AGBL1: variants seen among roughly 807,000 people sequenced by gnomAD.
The protein encoded by AGBL1 is AGBL carboxypeptidase 1, also known as cytosolic carboxypeptidase 4.
In AGBL1, 130 loss-of-function variants were observed where a neutral mutation model predicts 118.9. That is an observed-to-expected ratio of 1.09 (90% CI 0.95 to 1.26). The LOEUF (loss-of-function observed/expected upper bound fraction) is 1.26, where lower values mean the gene tolerates loss of function less well. Among genes scored for constraint, AGBL1 ranks in the 50% most tolerant of loss-of-function variants. AGBL1 has a pLI of 0.00. For synonymous variants in AGBL1, 555 were observed against 478.9 expected (o/e 1.16, Z -2.08); for missense variants, 1,584 against 1,298.1 (o/e 1.22, Z -3.38).
At chr15:86,500,716 A>T (rs976180606) in intron 18 of AGBL1, among the ~76,000 whole-genome samples, 1 of 151,590 alleles carries the variant, frequency 6.6e-6, no homozygotes, top group African/African-American at 2.4e-5. Context: ...GGATTTTTCT[A>T]TTCTGGGTGT....
rs936002750 is a variant in AGBL1 at position 86,930,235 on chromosome 15, G to T, written c.3222-57752G>T. ...TTAACTGCTGATAGGGTGACTTCAG[G>T]CAAGTCACCAACTCTGAAAAACCCT... is the stretch of plus-strand genomic sequence containing the variant. On this transcript the variant is annotated intron_variant, in intron 23 of 24. Coordinates refer to the AGBL1 transcript ENST00000441037. Among the ~76,000 whole-genome samples, 5 of 152,022 alleles carry T rather than the reference G, an allele frequency of 3.3e-5. No individual in the cohort carries two copies. In the East Asian group the frequency reaches 7.7e-4, roughly 23 times the overall value.
intron 21 of AGBL1, among the ~76,000 whole-genome samples, chr15:86,568,638 G>GTCTATACCACCC (rs745923547): frequency 2.0e-4 from 31 of 152,324 alleles, no homozygotes; most frequent in Non-Finnish European, 3.8e-4. Context: ...ACAAGTGGTG[G>GTCTATACCACCC]TATAGACCCT....
At chr15:86,635,955 G>A (rs1037382582) in intron 21 of AGBL1, among the ~76,000 whole-genome samples, 5 of 152,132 alleles carry the variant, frequency 3.3e-5, no homozygotes, top group African/African-American at 1.2e-4. Context: ...GTTATTAGAA[G>A]CTCTAATGGT....
downstream of AGBL1, among the ~76,000 whole-genome samples, chr15:87,030,023 T>A (rs529890232): frequency 3.5e-4 from 53 of 151,842 alleles, no homozygotes; most frequent in Admixed American, 2.8e-3. Context: ...GAAAAAAAAA[T>A]CTATATTTTT....
intron 17 of AGBL1, among the ~76,000 whole-genome samples, chr15:86,348,650 C>T (rs1401727481): frequency 6.6e-6 from 1 of 152,004 alleles, no homozygotes; most frequent in African/African-American, 2.4e-5. Context: ...TGATGGTGCA[C>T]ACCAGTAATC....
At chr15:86,930,946 C>T (rs2080596670) in intron 23 of AGBL1, among the ~76,000 whole-genome samples, 2 of 152,126 alleles carry the variant, frequency 1.3e-5, no homozygotes, top group Admixed American at 1.3e-4. Flanking sequence ...TACCATAAAT[C>T]CCTTAGTTGT....
intron 17 of AGBL1, among the ~76,000 whole-genome samples, chr15:86,379,971 T>G (rs1379163253): frequency 6.6e-6 from 1 of 152,218 alleles, no homozygotes; most frequent in Non-Finnish European, 1.5e-5. Flanking sequence ...GATGACTTGA[T>G]TTGTAAAATA....
chr15:86,248,046 G>A (rs534295590), intron 7 of AGBL1, among the ~76,000 whole-genome samples, 167 bp downstream of exon 7: 4 of 152,322 alleles, frequency 2.6e-5, no homozygotes, highest in Admixed American at 6.5e-5. Context: ...GGCCAGGCCC[G>A]GTGGTTCACT....
chr15:86,918,220 T>G (rs942181997), downstream of AGBL1, among the ~76,000 whole-genome samples: 1 of 152,202 alleles, frequency 6.6e-6, no homozygotes, highest in Non-Finnish European at 1.5e-5. Context: ...AAAACCCCTT[T>G]GAGGTAAATA....
intron 1 of AGBL1, among the ~76,000 whole-genome samples, chr15:86,120,142 C>T: frequency 6.6e-6 from 1 of 152,154 alleles, no homozygotes; most frequent in Non-Finnish European, 1.5e-5. Flanking sequence ...ATCTAAACTC[C>T]CCATCCTGCC....
intron 5 of AGBL1, among the ~76,000 whole-genome samples, chr15:86,178,452 G>T (rs756264062): frequency 6.6e-6 from 1 of 152,156 alleles, no homozygotes; most frequent in Admixed American, 6.6e-5. Context: ...GAAATACTAC[G>T]AACAACTTTG....
At chr15:86,739,906 A>G (rs1216237339) in intron 22 of AGBL1, among the ~76,000 whole-genome samples, 4 of 152,186 alleles carry the variant, frequency 2.6e-5, no homozygotes, top group Non-Finnish European at 5.9e-5. Context: ...GAGCCCTGCT[A>G]TGAAGAGAAA....
chr15:86,860,702 C>T (rs2079548304), intron 22 of AGBL1, among the ~76,000 whole-genome samples: 1 of 136,034 alleles, frequency 7.4e-6, no homozygotes, highest in Non-Finnish European at 1.6e-5. Flanking sequence ...CCTTCCTTTC[C>T]TCTGTGAGTA....
chr15:86,645,206 A>G (rs1370779034), intron 21 of AGBL1, among the ~76,000 whole-genome samples: 3 of 152,232 alleles, frequency 2.0e-5, no homozygotes, highest in Non-Finnish European at 4.4e-5. Context: ...GACAGGATAC[A>G]TTTAGGAGTC....
intron 18 of AGBL1, among the ~76,000 whole-genome samples, chr15:86,456,289 C>T (rs989326697): frequency 1.1e-4 from 16 of 152,184 alleles, no homozygotes; most frequent in Non-Finnish European, 2.1e-4. Flanking sequence ...ACACAAAGGA[C>T]TTATCACTCC....
At chr15:86,113,223 T>TTTTCTTTTCTTTTCTTTTCTTTTCC (rs1897514735) in intron 1 of AGBL1, among the ~76,000 whole-genome samples, 1 of 67,424 alleles carries the variant, frequency 1.5e-5, no homozygotes, top group Non-Finnish European at 2.7e-5. Flanking sequence ...TTTTCTTTTC[T>TTTTCTTTTCTTTTCTTTTCTTTTCC]TTTCTTTTCT....
At chr15:86,741,147 C>G (rs2077671925) in intron 22 of AGBL1, among the ~76,000 whole-genome samples, 1 of 151,798 alleles carries the variant, frequency 6.6e-6, no homozygotes, top group Admixed American at 6.6e-5. Context: ...AGTTAGGGGA[C>G]CACTGTGGTT....
At chr15:86,271,584 C>A in intron 14 of AGBL1, 35 bp from the exon 15 acceptor site, 1 of 1,528,986 alleles carries the variant, frequency 6.5e-7, no homozygotes, top group Non-Finnish European at 9.1e-7. Context: ...AACTCTCTTT[C>A]CCTCATGGAT....
chr15:86,555,496 C>T (rs28532621), intron 21 of AGBL1, among the ~76,000 whole-genome samples: 7,668 of 152,210 alleles, frequency 0.05, 614 homozygotes, highest in African/African-American at 0.17. Context: ...TTTTTTAACT[C>T]AGAGCTACCG....
Sources: allele counts gnomAD v4.1 joint callset (sites outside exome capture counted in the v4.1 genomes callset), GRCh38; gene constraint gnomAD v4.1.1; transcripts MANE v1.5; gene names NCBI Gene and HGNC (gene_info 2026-07-23, HGNC 2026-07-21).